KANK1: variants seen among roughly 807,000 people sequenced by gnomAD.
The protein encoded by KANK1 is KN motif and ankyrin repeat domain-containing protein 1.
KANK1 carries 109 observed loss-of-function variants against 106.2 expected under a neutral mutation model. The ratio of observed to expected loss-of-function variants is 1.03; its 90% confidence interval spans 0.88 to 1.20. KANK1 has a LOEUF of 1.20. Among genes scored for constraint, KANK1 ranks in the 50% most tolerant of loss-of-function variants. The pLI, the probability that KANK1 is intolerant of heterozygous loss-of-function variation, is 0.00. For synonymous variants in KANK1, 873 were observed against 652.2 expected, an observed-to-expected ratio of 1.34 and a Z score of -5.16; for missense variants, 2,399 against 1,710.7, an observed-to-expected ratio of 1.40 and a Z score of -7.10.
chr9:603,818 G>T (rs1433810475), intron 1 of KANK1, among the ~76,000 whole-genome samples: 2 of 151,386 alleles, frequency 1.3e-5, no homozygotes, highest in Non-Finnish European at 1.5e-5. Context: ...AAATTAGCTG[G>T]GTGTGGTGGT....
intron 1 of KANK1, among the ~76,000 whole-genome samples, chr9:605,921 C>G (rs1235813808): frequency 2.0e-5 from 3 of 151,590 alleles, no homozygotes; most frequent in African/African-American, 7.3e-5. Context: ...AGGGGAAGGC[C>G]GGGTCTGTGT....
At chr9:732,171 TTA>T in intron 5 of KANK1, 1 of 527,354 alleles carries the variant, frequency 1.9e-6, no homozygotes, top group Non-Finnish European at 3.4e-6. Flanking sequence ...TACCAATTGG[TTA>T]TATGATACCG....
intron 3 of KANK1, among the ~76,000 whole-genome samples, chr9:719,292 CAT>C (rs1279087847): frequency 1.3e-5 from 2 of 152,144 alleles, no homozygotes; most frequent in African/African-American, 4.8e-5. Flanking sequence ...TAAAAACAAA[CAT>C]TATTTCAGAT....
At chr9:534,180 G>C (rs1476340744) in intron 1 of KANK1, among the ~76,000 whole-genome samples, 1 of 152,212 alleles carries the variant, frequency 6.6e-6, no homozygotes, top group African/African-American at 2.4e-5. Context: ...GTGGGAGTGT[G>C]AAGAATGAGC....
chr9:509,331 C>T (rs148111108), intron 1 of KANK1, among the ~76,000 whole-genome samples: 7,151 of 152,212 alleles, frequency 0.047, 238 homozygotes, highest in Middle Eastern at 0.085. Flanking sequence ...CTCCTGACCT[C>T]GTGATCCACC....
intron 1 of KANK1, among the ~76,000 whole-genome samples, chr9:551,135 A>T (rs1241153338): frequency 6.6e-6 from 1 of 151,948 alleles, no homozygotes; most frequent in Non-Finnish European, 1.5e-5. Context: ...GGCTCAGTAT[A>T]ACCAGATTGT....
intron 1 of KANK1, among the ~76,000 whole-genome samples, chr9:589,607 G>A (rs960610236): frequency 2.6e-5 from 4 of 152,066 alleles, no homozygotes; most frequent in African/African-American, 9.7e-5. Flanking sequence ...CAGGGTGGAG[G>A]GCTTCATCTT....
chr9:664,805 A>AT (rs1360508782), intron 1 of KANK1, among the ~76,000 whole-genome samples: 2 of 151,920 alleles, frequency 1.3e-5, no homozygotes, highest in Non-Finnish European at 2.9e-5. Flanking sequence ...ATGTGTGAGG[A>AT]TTTTTCTTTC....
chr9:598,680 G>C (rs538373154), intron 1 of KANK1, among the ~76,000 whole-genome samples: 2 of 124,160 alleles, frequency 1.6e-5, no homozygotes, highest in South Asian at 5.4e-4. Context: ...GCCCAGGCTG[G>C]AGTGCGGTGG....
At chr9:577,814 G>C (rs906085324) in intron 1 of KANK1, among the ~76,000 whole-genome samples, 1 of 152,148 alleles carries the variant, frequency 6.6e-6, no homozygotes, top group Admixed American at 6.5e-5. Flanking sequence ...CTGGCTTTAC[G>C]CATGAGAAGT....
At chr9:612,021 C>T (rs746036727) in intron 1 of KANK1, among the ~76,000 whole-genome samples, 1 of 152,150 alleles carries the variant, frequency 6.6e-6, no homozygotes, top group African/African-American at 2.4e-5. Flanking sequence ...CCCGGCCGAC[C>T]ATCTAACTCT....
chr9:549,230 C>G (rs1044332441), intron 1 of KANK1: 4 of 152,376 alleles, frequency 2.6e-5, no homozygotes, highest in Non-Finnish European at 5.9e-5. Context: ...GACCCCCTCC[C>G]AGAACCTTCC....
chr9:686,734 T>C, intron 2 of KANK1: 1 of 982,682 alleles, frequency 1.0e-6, no homozygotes, highest in Non-Finnish European at 1.2e-6. Flanking sequence ...GCAATGATTG[T>C]TACCTATGAG....
At chr9:693,593 T>C (rs1368615253) in intron 2 of KANK1, 2 of 985,120 alleles carry the variant, frequency 2.0e-6, no homozygotes, top group Non-Finnish European at 2.4e-6. Flanking sequence ...ACGCCAAGAG[T>C]CCTGGAATTA....
chr9:625,386 C>A (rs77841555), intron 1 of KANK1, among the ~76,000 whole-genome samples: 448 of 152,284 alleles, frequency 2.9e-3, no homozygotes, highest in African/African-American at 0.01. Context: ...AACAGCCTGA[C>A]TGAGGTGAAA....
chr9:711,860 A>C lies in KANK1; in HGVS notation c.1094A>C (p.Lys365Thr). 1 of 1,614,218 alleles carries C rather than the reference A, an allele frequency of 6.2e-7. No homozygotes were observed. The highest frequency in any genetic ancestry group is 1.6e-4 in the Middle Eastern group (1 of 6,062). ...GTAGAACAGAGCACGCAGAGGATAA[A>C]GGAGTTCCGGCAACTTACAGCAGAC... The part of the protein sequence containing the change: ...ETVEQSTQRI[K>T]EFRQLTADMQ... Residue 365 changes from lysine (K) to threonine (T), a missense_variant, in exon 3 of 12, where the codon AAG becomes ACG. Transcript: ENST00000382297.
intron 1 of KANK1, among the ~76,000 whole-genome samples, chr9:519,047 G>A (rs4742063): frequency 6.6e-6 from 1 of 151,200 alleles, no homozygotes; most frequent in South Asian, 2.1e-4. Context: ...TGCACCACCA[G>A]GCCTGACTAA....
chr9:649,730 A>C (rs1330601335), intron 1 of KANK1, among the ~76,000 whole-genome samples: 1 of 152,104 alleles, frequency 6.6e-6, no homozygotes, highest in Non-Finnish European at 1.5e-5. Context: ...ATTCACTGTG[A>C]GCTATGTGTT....
At chr9:674,067 A>T (rs532016542) in intron 1 of KANK1, 1 of 151,980 alleles carries the variant, frequency 6.6e-6, no homozygotes. Context: ...ATTCACTCCT[A>T]TTCTTAAAAG....
Sources: gnomAD v4.1 joint callset for allele counts (sites outside exome capture counted in the v4.1 genomes callset) on GRCh38, gnomAD v4.1.1 for gene constraint, MANE v1.5 for transcripts, NCBI Gene and HGNC (gene_info 2026-07-23, HGNC 2026-07-21) for gene names.